The following PDZRN3 variants were observed in gnomAD, a reference collection of about 807,000 sequenced individuals.
The protein encoded by PDZRN3 is E3 ubiquitin-protein ligase PDZRN3.
Under a neutral mutation model 85.7 loss-of-function variants are expected in PDZRN3, and 38 were observed. The ratio of observed to expected loss-of-function variants is 0.44; its 90% CI spans 0.34 to 0.58. PDZRN3 has a LOEUF of 0.58. PDZRN3 is among the 20% of genes least tolerant of loss of function. PDZRN3 has a pLI of 0.01. For synonymous variants in PDZRN3, 759 were observed against 638.0 expected, an observed-to-expected ratio of 1.19 and a Z score of -2.86; for missense variants, 1,629 against 1,506.4, an observed-to-expected ratio of 1.08 and a Z score of -1.35.
chr3:73,429,778 A>G (rs1702392878), intron 3 of PDZRN3, among the ~76,000 whole-genome samples: 1 of 152,222 alleles, frequency 6.6e-6, no homozygotes, highest in Non-Finnish European at 1.5e-5. Context: ...GCAAAAGGAC[A>G]TCAGCGTTCT....
intron 3 of PDZRN3, among the ~76,000 whole-genome samples, chr3:73,481,568 G>A (rs928032934): frequency 6.6e-6 from 1 of 151,934 alleles, no homozygotes; most frequent in Non-Finnish European, 1.5e-5. Context: ...GACCTCAGGT[G>A]ATCTGCCCAC....
chr3:73,490,967 G>A (rs1402452026), intron 3 of PDZRN3, among the ~76,000 whole-genome samples: 1 of 152,212 alleles, frequency 6.6e-6, no homozygotes, highest in African/African-American at 2.4e-5. Context: ...TGTTGAAACT[G>A]CAATATCAGG....
At chr3:73,481,195 C>A (rs190831947) in intron 3 of PDZRN3, among the ~76,000 whole-genome samples, 1 of 152,186 alleles carries the variant, frequency 6.6e-6, no homozygotes, top group Non-Finnish European at 1.5e-5. Flanking sequence ...AGACTATGTG[C>A]GGTCATTAGG....
At chr3:73,450,581 A>G (rs1403006566) in intron 3 of PDZRN3, among the ~76,000 whole-genome samples, 3 of 152,244 alleles carry the variant, frequency 2.0e-5, no homozygotes, top group Non-Finnish European at 4.4e-5. Flanking sequence ...GGAATAGCCC[A>G]CTTGTAATAA....
chr3:73,438,655 T>C (rs957385639), intron 3 of PDZRN3, among the ~76,000 whole-genome samples: 1 of 152,234 alleles, frequency 6.6e-6, no homozygotes, highest in African/African-American at 2.4e-5. Flanking sequence ...TCTTCTTTCC[T>C]GGGGATCTTT....
intron 3 of PDZRN3, among the ~76,000 whole-genome samples, chr3:73,444,727 A>T (rs189008904): frequency 2.6e-5 from 4 of 152,326 alleles, no homozygotes; most frequent in African/African-American, 7.2e-5. Context: ...GATAACCCCC[A>T]TGGGGTAACT....
intron 3 of PDZRN3, among the ~76,000 whole-genome samples, chr3:73,525,543 G>C (rs1704502524): frequency 1.3e-5 from 2 of 152,198 alleles, no homozygotes; most frequent in South Asian, 4.1e-4. Context: ...ACAAAATAGA[G>C]AAGGCACTAA....
chr3:73,576,381 T>A (rs4296535), intron 3 of PDZRN3, among the ~76,000 whole-genome samples: 63,117 of 152,020 alleles, frequency 0.42, 13,616 homozygotes, highest in South Asian at 0.49. Context: ...CCTCAAGACC[T>A]ATGTGTCCCA....
chr3:73,430,115 C>A (rs1702401473), intron 3 of PDZRN3, among the ~76,000 whole-genome samples: 1 of 152,146 alleles, frequency 6.6e-6, no homozygotes, highest in South Asian at 2.1e-4. Flanking sequence ...AGATCTGACT[C>A]CCAGTCCCAC....
intron 6 of PDZRN3, 40 bp downstream of exon 6, chr3:73,390,978 C>T (rs1701513190): frequency 7.5e-7 from 1 of 1,342,076 alleles, no homozygotes; most frequent in Non-Finnish European, 1.1e-6. Context: ...CCCTTTTGGT[C>T]TTGATACGAT....
At chr3:73,622,173 T>G (rs564521577) in intron 1 of PDZRN3, among the ~76,000 whole-genome samples, 13 of 152,312 alleles carry the variant, frequency 8.5e-5, no homozygotes, top group African/African-American at 3.1e-4. Context: ...CACCAGTCTT[T>G]TGTGTGCCTG....
chr3:73,570,832 G>A (rs1256186524), intron 3 of PDZRN3, among the ~76,000 whole-genome samples: 1 of 152,120 alleles, frequency 6.6e-6, no homozygotes, highest in Non-Finnish European at 1.5e-5. Flanking sequence ...ACCCCTCCCT[G>A]GACTCATGCC....
At position 73,451,345 on chromosome 3, in the gene PDZRN3, A is replaced by G. The variant is rs565528987; in HGVS notation, c.919-46950T>C. Among the ~76,000 whole-genome samples the G allele has an allele frequency of 9.8e-5, 15 of 152,298 alleles. No homozygotes were observed. In the South Asian group the frequency reaches 1.7e-3, roughly 17 times the overall value. ...TTGTTGGGAGTGGATGTGTGGCTCT[A>G]TGTGTTAGAGGATGAGGAGGAAAGT... On this transcript the variant is annotated intron_variant, in intron 3 of 9. Transcript: ENST00000263666.
rs146569034 is a variant in PDZRN3 at position 73,480,611 on chromosome 3, A to G, written c.919-76216T>C. On this transcript the variant is annotated intron_variant, in intron 3 of 9. Coordinates refer to ENST00000263666, the MANE Select transcript of PDZRN3 (RefSeq NM_015009.3). The stretch of plus-strand genomic sequence containing the variant: ...GGCCCTCCTGCCTACCCCATCACCC[A>G]GAGTGCACGCTTGCCTCTGTAAAAG... Among the ~76,000 whole-genome samples, 368 of 152,254 alleles carry G rather than the reference A, an allele frequency of 2.4e-3. 2 individuals are homozygous for G. Among genetic ancestry groups the G allele is most frequent in the Non-Finnish European group, 4.1e-3 (278 of 68,010 alleles).
At chr3:73,401,033 ACAGCCCTT>A in intron 4 of PDZRN3, 24 bp from the exon 5 acceptor site, 1 of 1,510,270 alleles carries the variant, frequency 6.6e-7, no homozygotes, top group Non-Finnish European at 9.2e-7. Context: ...CAACATCTTT[ACAGCCCTT>A]CTTCCGTTGT....
intron 3 of PDZRN3, among the ~76,000 whole-genome samples, chr3:73,586,837 T>G (rs1336143003): frequency 6.6e-6 from 1 of 152,202 alleles, no homozygotes; most frequent in Non-Finnish European, 1.5e-5. Flanking sequence ...TGGAGCTATG[T>G]CCCTTTGTGG....
intron 3 of PDZRN3, among the ~76,000 whole-genome samples, chr3:73,436,870 AC>A (rs1265916543): frequency 1.3e-5 from 2 of 151,922 alleles, no homozygotes; most frequent in East Asian, 3.9e-4. Flanking sequence ...ACATGGTGAA[AC>A]CCTGTCTCTA....
At chr3:73,497,816 C>G (rs892790527) in intron 3 of PDZRN3, among the ~76,000 whole-genome samples, 1 of 152,016 alleles carries the variant, frequency 6.6e-6, no homozygotes, top group South Asian at 2.1e-4. Context: ...TCCCCGCCCC[C>G]GCCAACAGCT....
intron 3 of PDZRN3, among the ~76,000 whole-genome samples, chr3:73,406,963 C>A (rs1252968275): frequency 1.3e-5 from 2 of 152,180 alleles, no homozygotes; most frequent in African/African-American, 4.8e-5. Flanking sequence ...CCATCCTCAC[C>A]CCAATGCTCC....
Sources: allele counts gnomAD v4.1 joint callset (sites outside exome capture counted in the v4.1 genomes callset), GRCh38; gene constraint gnomAD v4.1.1; transcripts MANE v1.5; gene names NCBI Gene and HGNC (gene_info 2026-07-23, HGNC 2026-07-21).